Variants in DCTN4 observed in about 807,000 individuals in gnomAD.
The protein encoded by DCTN4 is dynactin 4 (p62).
DCTN4 carries 23 observed loss-of-function variants against 62.7 expected under a neutral mutation model. The ratio of observed to expected loss-of-function variants is 0.37; its 90% confidence interval spans 0.26 to 0.52. The LOEUF (loss-of-function observed/expected upper bound fraction) is 0.52, where lower values mean the gene tolerates loss of function less well. Ranked by LOEUF, DCTN4 falls within the 20% of genes least tolerant of loss-of-function variation. DCTN4 has a pLI of 0.92. For synonymous variants in DCTN4, 199 were observed against 202.1 expected (o/e 0.98, Z 0.13); for missense variants, 514 against 580.4 (o/e 0.89, Z 1.18).
intron 6 of DCTN4, 76 bp from the exon 7 acceptor site, chr5:150,731,232 T>A: frequency 1.9e-6 from 2 of 1,078,122 alleles, no homozygotes; most frequent in Non-Finnish European, 2.8e-6. Context: ...ATCCTCAGTC[T>A]ATGATATCAA....
chr5:150,758,911 T>C lies in DCTN4; in HGVS notation c.83A>G (p.Tyr28Cys). The C allele has an allele frequency of 1.9e-6, 3 of 1,613,846 alleles. No homozygotes were observed. The South Asian group carries it at 3.3e-5, about 18-fold the overall frequency. The change falls in exon 1 of 13, where the codon TAC (tyrosine) becomes TGC (cysteine). Residue 28 changes from tyrosine (Y) to cysteine (C), a missense_variant. Transcript: ENST00000447998. ...CAGTTCGCTACAATAGCGGCAGAAG[T>C]AGAGTTGCGAGAGCGGGGCCCGAAC... ...KKVRAPLSQL[Y>C]FCRYCSELRS...
chr5:150,729,760 T>C (rs1760291143), intron 8 of DCTN4, among the ~76,000 whole-genome samples: 1 of 152,130 alleles, frequency 6.6e-6, no homozygotes, highest in Admixed American at 6.5e-5. Context: ...TAGCTGGGAC[T>C]ACAAGTGCAT....
chr5:150,727,652 T>C (rs6868397), intron 8 of DCTN4, among the ~76,000 whole-genome samples: 20,369 of 150,850 alleles, frequency 0.14, 2,349 homozygotes, highest in African/African-American at 0.31. Context: ...GGCGGGCGCC[T>C]GTAGTCCCAG....
intron 5 of DCTN4, 44 bp from the exon 6 acceptor site, chr5:150,731,533 A>T (rs1468256949): frequency 4.0e-6 from 6 of 1,491,084 alleles, no homozygotes; most frequent in Non-Finnish European, 9.3e-7. Flanking sequence ...CCACTTTTAC[A>T]CACCCTATTT....
chr5:150,758,613 C>A, intron 1 of DCTN4: 5 of 1,250,942 alleles, frequency 4.0e-6, no homozygotes, highest in Non-Finnish European at 4.1e-6. Context: ...AGACACGGTC[C>A]CTAAGTCAAG....
intron 4 of DCTN4, among the ~76,000 whole-genome samples, chr5:150,741,455 A>G (rs1216324804): frequency 6.6e-6 from 1 of 152,180 alleles, no homozygotes; most frequent in Non-Finnish European, 1.5e-5. Flanking sequence ...GATTACAGGC[A>G]TGAGCCACTG....
rs144096507 is a variant in DCTN4, at chr5:150,710,327, G to A, written c.*822C>T. The A allele has an allele frequency of 3.2e-4, 49 of 152,422 alleles. No individual in the cohort carries two copies. The highest frequency in any genetic ancestry group is 1.1e-3 in the African/African-American group (46 of 41,566). The allele number at this position is 152,422 out of a possible 1,614,324, so 9.4% of individuals were successfully genotyped here. The stretch of plus-strand genomic sequence containing the variant: ...AAAGAGGCAGAACAGGGAAGGGGTA[G>A]GAAGTAAGACAAATAAAGATTGCCC... On this transcript the variant is annotated 3_prime_UTR_variant, in exon 13 of 13. Transcript: ENST00000447998.
At chr5:150,713,072 T>G (rs1383198852) in intron 12 of DCTN4, among the ~76,000 whole-genome samples, 1 of 152,228 alleles carries the variant, frequency 6.6e-6, no homozygotes, top group Non-Finnish European at 1.5e-5. Context: ...AAGCAAGGAT[T>G]TGAGAGAACA....
chr5:150,711,693 A>G (rs1759572649), intron 12 of DCTN4, among the ~76,000 whole-genome samples: 1 of 151,884 alleles, frequency 6.6e-6, no homozygotes, highest in Non-Finnish European at 1.5e-5. Context: ...TAATACGTAT[A>G]TTTTTTGGTG....
At chr5:150,714,385 CTTTTT>C (rs908372762) in intron 12 of DCTN4, among the ~76,000 whole-genome samples, 2 of 146,114 alleles carry the variant, frequency 1.4e-5, no homozygotes, top group Non-Finnish European at 3.0e-5. Flanking sequence ...CCAAAAATGT[CTTTTT>C]TTTTTTGAGA....
At chr5:150,729,362 G>T (rs1760274469) in intron 8 of DCTN4, among the ~76,000 whole-genome samples, 1 of 151,752 alleles carries the variant, frequency 6.6e-6, no homozygotes, top group South Asian at 2.1e-4. Flanking sequence ...ATATATGCAG[G>T]ACTTGAATCT....
Position 150,711,253 on chromosome 5 carries a change from T to C in DCTN4, c.1279A>G (p.Asn427Asp). ...VCFKMKHDFK[N>D]LAAPIRPIEE... ...ATGGGGCGAATGGGGGCTGCCAGGT[T>C]TTTAAAATCATGCTTCATCTTGAAG... is the stretch of plus-strand genomic sequence containing the variant. The change falls in exon 13 of 13, where the codon AAC (asparagine) becomes GAC (aspartate). Residue 427 changes from asparagine to aspartate, a missense_variant. Transcript: ENST00000447998. 6.2e-7 allele frequency: 1 copy of C among 1,613,276 alleles called. No individual in the cohort carries two copies.
intron 8 of DCTN4, among the ~76,000 whole-genome samples, chr5:150,729,259 A>G (rs939408908): frequency 6.6e-6 from 1 of 151,710 alleles, no homozygotes; most frequent in Non-Finnish European, 1.5e-5. Context: ...GTTTTTCATT[A>G]TAGAAATTTT....
At chr5:150,745,303 G>T (rs1335303862) in intron 3 of DCTN4, among the ~76,000 whole-genome samples, 1 of 150,754 alleles carries the variant, frequency 6.6e-6, no homozygotes, top group Non-Finnish European at 1.5e-5. Context: ...AGTCCTGAGT[G>T]ACCTACAAAG....
intron 5 of DCTN4, 107 bp from the exon 6 acceptor site, chr5:150,731,596 CA>C (rs201751317): frequency 3.9e-4 from 321 of 821,026 alleles, no homozygotes; most frequent in Non-Finnish European, 4.6e-4. Flanking sequence ...GGGAAATAAG[CA>C]AAAAAAAAGC....
chr5:150,719,229 TTG>T (rs1198100142), intron 10 of DCTN4, among the ~76,000 whole-genome samples: 2 of 152,170 alleles, frequency 1.3e-5, no homozygotes, highest in African/African-American at 2.4e-5. Context: ...TAATAAATAT[TTG>T]TGTTTTCAGG....
rs532958262 is a variant in DCTN4 at position 150,714,224 on chromosome 5, T to C, written c.1169+1341A>G. Among the ~76,000 whole-genome samples the C allele has an allele frequency of 3.7e-4, 56 of 152,284 alleles. 2 individuals carry two copies. The South Asian group carries it at 9.5e-3, about 26-fold the overall frequency. ...TTGCTTTGTGACACAGGATTCTGCT[T>C]GGACTGTATCTGCTGGATCGGATGG... On this transcript the variant is annotated intron_variant, in intron 12 of 12. Transcript: ENST00000447998.
intron 11 of DCTN4, among the ~76,000 whole-genome samples, chr5:150,717,039 T>C (rs1759786888): frequency 6.6e-6 from 1 of 152,026 alleles, no homozygotes; most frequent in Non-Finnish European, 1.5e-5. Flanking sequence ...AGAAATTCTC[T>C]AATATTATTT....
At chr5:150,751,169 C>G (rs1752660184) in intron 3 of DCTN4, among the ~76,000 whole-genome samples, 1 of 152,076 alleles carries the variant, frequency 6.6e-6, no homozygotes, top group Non-Finnish European at 1.5e-5. Context: ...GTAAGTTTTT[C>G]TCCGTACATT....
Sources: gnomAD v4.1 joint callset for allele counts (sites outside exome capture counted in the v4.1 genomes callset) on GRCh38, gnomAD v4.1.1 for gene constraint, MANE v1.5 for transcripts, NCBI Gene and HGNC (gene_info 2026-07-23, HGNC 2026-07-21) for gene names.